Variants in TUFT1 observed in about 807,000 individuals in gnomAD.
The protein encoded by TUFT1 is tuftelin.
A neutral mutation model predicts 57.8 loss-of-function variants in TUFT1; 43 were observed. The ratio of observed to expected loss-of-function variants is 0.74; its 90% CI spans 0.58 to 0.96. The LOEUF (loss-of-function observed/expected upper bound fraction) is 0.96. Among genes scored for constraint, TUFT1 ranks in the 40% least tolerant of loss-of-function variants. The probability of loss-of-function intolerance (pLI) is 0.00; values close to 1 mark genes in which losing one functional copy is unlikely to be tolerated. For synonymous variants in TUFT1, 166 were observed against 176.7 expected (o/e 0.94, Z 0.48); for missense variants, 459 against 489.0 (o/e 0.94, Z 0.58).
intron 1 of TUFT1, chr1:151,546,009 T>TC (rs35467387): frequency 1.3e-4 from 28 of 218,824 alleles, no homozygotes; most frequent in Middle Eastern, 5.5e-4. Context: ...TTTTCTTTTT[T>TC]TTTTTTTTCT....
At chr1:151,544,396 A>C (rs1045009906) in intron 1 of TUFT1, among the ~76,000 whole-genome samples, 1 of 151,918 alleles carries the variant, frequency 6.6e-6, no homozygotes, top group Non-Finnish European at 1.5e-5. Context: ...TCCCTGGTTC[A>C]AGCAATTCTC....
intron 9 of TUFT1, among the ~76,000 whole-genome samples, chr1:151,575,893 G>A (rs745532437): frequency 1.3e-5 from 2 of 152,080 alleles, no homozygotes; most frequent in East Asian, 1.9e-4. Context: ...GACCTTCCTG[G>A]CATGGAAAAT....
chr1:151,548,867 G>T (rs1231542033), intron 1 of TUFT1, among the ~76,000 whole-genome samples: 1 of 152,274 alleles, frequency 6.6e-6, no homozygotes, highest in African/African-American at 2.4e-5. Context: ...CTGGGGGAAC[G>T]CAGGCTTTTC....
chr1:151,577,486 A>G (rs1483455394), intron 9 of TUFT1, among the ~76,000 whole-genome samples: 1 of 152,206 alleles, frequency 6.6e-6, no homozygotes, highest in East Asian at 1.9e-4. Context: ...GTGACCAAAT[A>G]TAACAAAACA....
At chr1:151,565,543 CACA>C in intron 5 of TUFT1, among the ~76,000 whole-genome samples, 1 of 152,222 alleles carries the variant, frequency 6.6e-6, no homozygotes, top group Non-Finnish European at 1.5e-5. Context: ...TGCTTGAGCT[CACA>C]TCTGGCTGGT....
intron 1 of TUFT1, among the ~76,000 whole-genome samples, chr1:151,550,480 G>A (rs971231864): frequency 1.3e-5 from 2 of 151,820 alleles, no homozygotes; most frequent in African/African-American, 2.4e-5. Context: ...GAGTAGCTGG[G>A]ATTACAAGCA....
At chr1:151,563,457 C>T (rs1274004518) in intron 3 of TUFT1, among the ~76,000 whole-genome samples, 1 of 152,144 alleles carries the variant, frequency 6.6e-6, no homozygotes, top group Non-Finnish European at 1.5e-5. Flanking sequence ...CTACAGTATT[C>T]AGTACAGTAA....
At position 151,574,169 on chromosome 1, in the gene TUFT1, G is replaced by T. The variant is rs767902305; in HGVS notation, c.595-101G>T. The T allele has an allele frequency of 4.2e-4, 615 of 1,470,000 alleles. 2 individuals carry two copies. Among genetic ancestry groups the T allele is most frequent in the Middle Eastern group, 1.5e-3 (8 of 5,480 alleles). The allele number at this position is 1,470,000 out of a possible 1,614,324, so 91.1% of individuals were successfully genotyped here. On this transcript the variant is annotated intron_variant, in intron 7 of 12. Coordinates refer to ENST00000368849, the MANE Select transcript of TUFT1 (RefSeq NM_020127.3). ...AGTGTCACCACCTTTCTCCCGTCAT[G>T]GCTCCAGAGCCGCCCAGGTTCCTGG... is the stretch of plus-strand genomic sequence containing the variant.
intron 10 of TUFT1, 139 bp from the exon 11 acceptor site, chr1:151,579,510 G>C (rs1457123110): frequency 1.1e-5 from 8 of 724,414 alleles, no homozygotes; most frequent in Non-Finnish European, 1.8e-5. Flanking sequence ...TTGACTGAAA[G>C]GAGGCCTTTG....
At chr1:151,577,896 T>C (rs2102556906) in intron 9 of TUFT1, among the ~76,000 whole-genome samples, 1 of 152,112 alleles carries the variant, frequency 6.6e-6, no homozygotes, top group Non-Finnish European at 1.5e-5. Context: ...TGTGGTGGCA[T>C]GTGCCTGTAG....
At chr1:151,551,662 G>T (rs574057058) in intron 1 of TUFT1, among the ~76,000 whole-genome samples, 1 of 152,086 alleles carries the variant, frequency 6.6e-6, no homozygotes, top group Non-Finnish European at 1.5e-5. Context: ...TGGAAGACCC[G>T]TTAGCAGAAA....
chr1:151,563,156 A>G (rs1334848224), intron 3 of TUFT1, among the ~76,000 whole-genome samples: 8 of 152,164 alleles, frequency 5.3e-5, no homozygotes, highest in Non-Finnish European at 1.2e-4. Context: ...AAATGCTGGT[A>G]TTATAGGCGT....
chr1:151,557,689 C>T lies in TUFT1; in HGVS notation c.61-4402C>T. 6 of 831,990 alleles carry T rather than the reference C, an allele frequency of 7.2e-6. No homozygotes were observed. In the South Asian group the frequency reaches 8.0e-5, roughly 11 times the overall value. The allele number at this position is 831,990 out of a possible 1,614,324, so 51.5% of individuals were successfully genotyped here. On this transcript the variant is annotated intron_variant, in intron 1 of 12. Coordinates refer to ENST00000368849, the MANE Select transcript of TUFT1 (RefSeq NM_020127.3). ...GGGCATCCAGTATCTCCGTGATTAC[C>T]TTCATCTGCCCCGGAGATTGTGCCT... is the stretch of plus-strand genomic sequence containing the variant.
At position 151,563,982 on chromosome 1, in the gene TUFT1, A is replaced by G. The variant is rs941155993; in HGVS notation, c.316A>G (p.Ile106Val). ...CCAGCTGAAGAGTGAGGTCCAGTAC[A>G]TCCAGGAGGTGGGCACCCCTTACCT... ...INQLKSEVQY[I>V]QEARNCLQKL... The change falls in exon 4 of 13, where the codon ATC becomes GTC. Residue 106 changes from isoleucine to valine, a missense_variant. Physicochemically the swap from Ile to Val is conservative, Grantham distance 29. Transcript: ENST00000368849. The G allele has an allele frequency of 1.9e-6, 3 of 1,613,910 alleles. No homozygotes were observed. The highest frequency in any genetic ancestry group is 1.7e-6 in the Non-Finnish European group (2 of 1,179,946).
intron 4 of TUFT1, 37 bp from the exon 5 acceptor site, chr1:151,564,488 T>C (rs1665999821): frequency 6.5e-7 from 1 of 1,540,058 alleles, no homozygotes. Context: ...TCTCTTTCTC[T>C]ACCCTAAAGC....
At chr1:151,548,149 C>G (rs377615099) in intron 1 of TUFT1, among the ~76,000 whole-genome samples, 2 of 152,110 alleles carry the variant, frequency 1.3e-5, no homozygotes, top group African/African-American at 4.8e-5. Context: ...GAGTCGGGTG[C>G]GAGCCTCACT....
chr1:151,567,523 TA>T (rs1283084302), intron 6 of TUFT1, among the ~76,000 whole-genome samples: 3 of 152,170 alleles, frequency 2.0e-5, no homozygotes, highest in African/African-American at 7.2e-5. Context: ...CATGAGCTAC[TA>T]TGCTTGGCCT....
chr1:151,553,009 C>T (rs1008757253), intron 1 of TUFT1, among the ~76,000 whole-genome samples: 24 of 152,110 alleles, frequency 1.6e-4, no homozygotes, highest in Admixed American at 5.2e-4. Context: ...TCTTCTTGAC[C>T]TCTCTAAGCA....
chr1:151,568,652 G>A (rs1666155368), intron 6 of TUFT1, among the ~76,000 whole-genome samples: 1 of 152,308 alleles, frequency 6.6e-6, no homozygotes, highest in East Asian at 1.9e-4. Context: ...ATCTAGATTT[G>A]GAATGCTGTG....
Sources: gnomAD v4.1 joint callset for allele counts (sites outside exome capture counted in the v4.1 genomes callset) on GRCh38, gnomAD v4.1.1 for gene constraint, MANE v1.5 for transcripts, NCBI Gene and HGNC (gene_info 2026-07-23, HGNC 2026-07-21) for gene names.